CST5: variants seen among roughly 807,000 people sequenced by gnomAD.
The protein encoded by CST5 is cystatin-D.
In CST5, 13 loss-of-function variants were observed where a neutral mutation model predicts 11.5. That is an observed-to-expected ratio of 1.13 (90% CI 0.73 to 1.79). The LOEUF (loss-of-function observed/expected upper bound fraction) is 1.79. Among genes scored for constraint, CST5 ranks in the 40% most tolerant of loss-of-function variants. CST5 has a pLI of 0.00. For synonymous variants in CST5, 81 were observed against 67.6 expected (o/e 1.20, Z -0.97); for missense variants, 219 against 174.5 (o/e 1.25, Z -1.44).
chr20:23,878,474 T>C (rs1205021344), intron 1 of CST5, among the ~76,000 whole-genome samples: 3 of 152,180 alleles, frequency 2.0e-5, no homozygotes, highest in Non-Finnish European at 4.4e-5. Flanking sequence ...ACACAAGTCC[T>C]GTAGAACCAC....
At position 23,879,721 on chromosome 20, in the gene CST5, A is replaced by G; in HGVS notation, c.-45T>C. ...CAAGGAGCTGGATCTCCCAGAGAGC[A>G]AAGCAGCAGAAGGCTGAGGCAGGAA... On this transcript the variant is annotated 5_prime_UTR_variant, in exon 1 of 3. Coordinates refer to ENST00000304710, the MANE Select transcript of CST5 (RefSeq NM_001900.5). The G allele has an allele frequency of 6.3e-7, 1 of 1,575,716 alleles. No individual in the cohort carries two copies. Among genetic ancestry groups the G allele is most frequent in the Non-Finnish European group, 8.7e-7 (1 of 1,152,736 alleles).
In CST5 at chr20:23,879,471, A is replaced by G. The variant is rs1406252948; in HGVS notation, c.206T>C (p.Leu69Pro). The G allele has an allele frequency of 1.2e-6, 2 of 1,613,954 alleles. No individual in the cohort carries two copies. The highest frequency in any genetic ancestry group is 1.3e-5 in the African/African-American group (1 of 75,022). The change falls in exon 1 of 3, where the codon CTG becomes CCG. Residue 69 changes from leucine to proline, a missense_variant. Coordinates refer to ENST00000304710, the MANE Select transcript of CST5 (RefSeq NM_001900.5). The stretch of plus-strand genomic sequence containing the variant: ...CTGCTGGTAGGCAGCCATCACCTGC[A>G]GAGGGCGGCTGTAGTACTCATCCTT... ...INKDEYYSRP[L>P]QVMAAYQQIV...
chr20:23,879,228 C>T lies in CST5; in HGVS notation c.231+218G>A, dbSNP rs183578576. Among the ~76,000 whole-genome samples, 3 of 152,308 alleles carry T rather than the reference C, an allele frequency of 2.0e-5. No individual in the cohort carries two copies. The East Asian group carries it at 5.8e-4, about 29-fold the overall frequency. ...CACAGTCATGGTACAGACACAGTGG[C>T]TGCTGCAGGTTAAAAGAGGCCGAGG... On this transcript the variant is annotated intron_variant, in intron 1 of 2. Transcript: ENST00000304710.
At chr20:23,879,387 G>C (rs1008038117) in intron 1 of CST5, 59 bp downstream of exon 1, 3 of 1,265,982 alleles carry the variant, frequency 2.4e-6, no homozygotes, top group Non-Finnish European at 3.4e-6. Context: ...AGTGCTCTGG[G>C]GGGTGAGGCA....
chr20:23,876,339 G>T, intron 2 of CST5, 68 bp from the exon 3 acceptor site: 1 of 1,288,208 alleles, frequency 7.8e-7, no homozygotes, highest in Non-Finnish European at 1.1e-6. Flanking sequence ...CCCAGGAATG[G>T]GACATCAGAA....
chr20:23,876,231 T>C lies in CST5; in HGVS notation c.386A>G (p.Glu129Gly), dbSNP rs951815028. The change falls in exon 3 of 3, where the codon GAG becomes GGG. Residue 129 changes from glutamate (E) to glycine (G), a missense_variant. Physicochemically the swap from Glu to Gly is moderately conservative, Grantham distance 98. Coordinates refer to ENST00000304710, the MANE Select transcript of CST5 (RefSeq NM_001900.5). ...GTAGTTCAGAATGGAAATTTTATCC[T>C]CCCAGGGAACTTCATTGATCTGGAA... ...CSFQINEVPW[E>G]DKISILNYKC... 6.2e-6 allele frequency: 10 copies of C among 1,613,878 alleles called. No homozygotes were observed. Among genetic ancestry groups the C allele is most frequent in the Non-Finnish European group, 8.5e-6 (10 of 1,179,842 alleles).
chr20:23,877,428 CACACACACAT>C, intron 2 of CST5, 67 bp downstream of exon 2: 1 of 1,121,618 alleles, frequency 8.9e-7, no homozygotes, highest in Non-Finnish European at 1.3e-6. Context: ...CAGATGCGTG[CACACACACAT>C]ACACACACAC....
At chr20:23,876,329 C>T (rs372319805) in intron 2 of CST5, 58 bp from the exon 3 acceptor site, 5 of 1,374,478 alleles carry the variant, frequency 3.6e-6, no homozygotes, top group South Asian at 3.6e-5. Context: ...GCCAAAGATG[C>T]CCAGGAATGG....
rs572646770 is a variant in CST5 at position 23,877,576 on chromosome 20, G to C, written c.274C>G (p.Arg92Gly). 1.9e-6 allele frequency: 3 copies of C among 1,614,006 alleles called. No homozygotes were observed. The highest frequency in any genetic ancestry group is 2.5e-6 in the Non-Finnish European group (3 of 1,179,980). Residue 92 changes from arginine to glycine, a missense_variant, in exon 2 of 3, where the codon CGA becomes GGA. Physicochemically the swap from Arg to Gly is moderately radical, Grantham distance 125. Transcript: ENST00000304710. ...VNYYFNVKFG[R>G]TTCTKSQPNL... Reference sequence around the variant, plus strand: ...GGCTGGGACTTGGTGCATGTGGTTCGACCGAACTTCACATTGAAGTAGTAG... The same window carrying C: ...GGCTGGGACTTGGTGCATGTGGTTCCACCGAACTTCACATTGAAGTAGTAG...
At position 23,877,620 on chromosome 20, in the gene CST5, T is replaced by C; in HGVS notation, c.232-2A>G. The C allele has an allele frequency of 6.2e-7, 1 of 1,610,312 alleles. No homozygotes were observed. The highest frequency in any genetic ancestry group is 8.5e-7 in the Non-Finnish European group (1 of 1,177,434). On this transcript the variant is annotated splice_acceptor_variant, in intron 1 of 2. Coordinates refer to ENST00000304710, the MANE Select transcript of CST5 (RefSeq NM_001900.5). LOFTEE classifies it high-confidence loss of function. Reference sequence around the variant, plus strand: ...GTAGTAGTTCACCCCACCCACGATCTACACGCGTGGAAGAGCAGGAAGCAG... The same window carrying C: ...GTAGTAGTTCACCCCACCCACGATCCACACGCGTGGAAGAGCAGGAAGCAG...
intron 1 of CST5, 92 bp downstream of exon 1, chr20:23,879,354 T>G: frequency 2.2e-6 from 2 of 921,496 alleles, no homozygotes; most frequent in Non-Finnish European, 3.5e-6. Flanking sequence ...AGTCTGCGGT[T>G]TAGATAATGT....
intron 2 of CST5, 31 bp from the exon 3 acceptor site, chr20:23,876,302 T>G: frequency 6.4e-7 from 1 of 1,569,676 alleles, no homozygotes; most frequent in Non-Finnish European, 8.8e-7. Flanking sequence ...AGAAAATGAC[T>G]GTGGGTTACA....
rs200427729 is a variant in CST5 at position 23,876,252 on chromosome 20, T to C, written c.365A>G (p.Gln122Arg). ...KLKEEEFCSFQINEVPWEDKI... is the reference protein window; with the variant it reads ...KLKEEEFCSFRINEVPWEDKI... ...ATCCTCCCAGGGAACTTCATTGATC[T>C]GGAAAGAGCAGAACTCTTCCTGTGA... The change falls in exon 3 of 3, where the codon CAG (glutamine) becomes CGG (arginine). Residue 122 changes from glutamine (Q) to arginine (R), a missense_variant. Physicochemically the swap from Gln to Arg is conservative, Grantham distance 43. Transcript: ENST00000304710. 32 of 1,613,422 alleles carry C rather than the reference T, an allele frequency of 2.0e-5. No individual in the cohort carries two copies. The East Asian group carries it at 6.5e-4, about 33-fold the overall frequency.
At chr20:23,878,395 A>C (rs1986008528) in intron 1 of CST5, among the ~76,000 whole-genome samples, 2 of 152,162 alleles carry the variant, frequency 1.3e-5, no homozygotes, top group Non-Finnish European at 2.9e-5. Flanking sequence ...ATGACTTGTC[A>C]GAACTGTGGA....
intron 1 of CST5, among the ~76,000 whole-genome samples, chr20:23,877,819 G>A (rs183119250): frequency 6.6e-6 from 1 of 152,186 alleles, no homozygotes; most frequent in East Asian, 1.9e-4. Flanking sequence ...GTTTTCTCTG[G>A]GTATCTCAAG....
At chr20:23,877,974 C>G (rs1986000409) in intron 1 of CST5, among the ~76,000 whole-genome samples, 2 of 152,314 alleles carry the variant, frequency 1.3e-5, no homozygotes, top group South Asian at 4.1e-4. Flanking sequence ...ACAGTCCTGG[C>G]ACCAGGCTTG....
chr20:23,876,138 C>A lies in CST5; in HGVS notation c.*50G>T. The A allele has an allele frequency of 6.7e-7, 1 of 1,485,648 alleles. No homozygotes were observed. Among genetic ancestry groups the A allele is most frequent in the Non-Finnish European group, 9.4e-7 (1 of 1,065,858 alleles). The allele number at this position is 1,485,648 out of a possible 1,614,324, so 92.0% of individuals were successfully genotyped here. On this transcript the variant is annotated 3_prime_UTR_variant, in exon 3 of 3. Transcript: ENST00000304710. ...CACCAGTCCAGGGGTGGGAGCACTA[C>A]AGGGGGTGGGAGTAGGAGGTGGTCA...
rs1250513427 is a variant in CST5, at chr20:23,876,222, A to C, written c.395T>G (p.Ile132Ser). 1 of 1,613,928 alleles carries C rather than the reference A, an allele frequency of 6.2e-7. No homozygotes were observed. The highest frequency in any genetic ancestry group is 8.5e-7 in the Non-Finnish European group (1 of 1,179,908). Residue 132 changes from isoleucine (I) to serine (S), a missense_variant, in exon 3 of 3, where the codon ATT becomes AGT. Coordinates refer to ENST00000304710, the MANE Select transcript of CST5 (RefSeq NM_001900.5). ...CCGGCACTTGTAGTTCAGAATGGAA[A>C]TTTTATCCTCCCAGGGAACTTCATT... is the stretch of plus-strand genomic sequence containing the variant. ...QINEVPWEDKISILNYKCRKV is the reference protein window; with the variant it reads ...QINEVPWEDKSSILNYKCRKV
In CST5 at chr20:23,876,126, G is replaced by C; in HGVS notation, c.*62C>G. ...CAGGGTGGGGGCCACCAGTCCAGGG[G>C]TGGGAGCACTACAGGGGGTGGGAGT... On this transcript the variant is annotated 3_prime_UTR_variant, in exon 3 of 3. Transcript: ENST00000304710. 7.2e-7 allele frequency: 1 copy of C among 1,380,862 alleles called. No individual in the cohort carries two copies. The highest frequency in any genetic ancestry group is 1.0e-6 in the Non-Finnish European group (1 of 974,006). The allele number at this position is 1,380,862 out of a possible 1,614,324, so 85.5% of individuals were successfully genotyped here.
Sources: allele counts gnomAD v4.1 joint callset (sites outside exome capture counted in the v4.1 genomes callset), GRCh38; gene constraint gnomAD v4.1.1; transcripts MANE v1.5; gene names NCBI Gene and HGNC (gene_info 2026-07-23, HGNC 2026-07-21).